Variants in INTS7 observed in about 807,000 individuals in gnomAD.
INTS7 encodes the protein integrator complex subunit 7, also known as chromosome 1 open reading frame 73.
Under a neutral mutation model 109.2 loss-of-function variants are expected in INTS7, and 46 were observed. That is an observed-to-expected ratio of 0.42 (90% CI 0.33 to 0.54). The LOEUF (loss-of-function observed/expected upper bound fraction) is 0.54. Among genes scored for constraint, INTS7 ranks in the 20% least tolerant of loss-of-function variants. The probability of loss-of-function intolerance (pLI) is 0.07; values close to 1 mark genes in which losing one functional copy is unlikely to be tolerated. For missense variants in INTS7, 929 were observed against 1,132.4 expected, an observed-to-expected ratio of 0.82 and a Z score of 2.58; for synonymous variants, 412 against 402.9, an observed-to-expected ratio of 1.02 and a Z score of -0.27.
intron 1 of INTS7, 125 bp downstream of exon 1, chr1:212,035,219 A>C (rs1245798029): frequency 1.4e-6 from 1 of 695,076 alleles, no homozygotes; most frequent in Admixed American, 2.3e-5. Context: ...GCAAAAGCAC[A>C]GGCGCTCCCC....
intron 16 of INTS7, among the ~76,000 whole-genome samples, chr1:211,955,987 T>C (rs1037229060): frequency 6.6e-6 from 1 of 152,272 alleles, no homozygotes; most frequent in Admixed American, 6.5e-5. Flanking sequence ...ATTCCATTTC[T>C]GGTGGTAGGC....
At chr1:211,992,085 T>C (rs945070045) in intron 7 of INTS7, among the ~76,000 whole-genome samples, 1 of 152,214 alleles carries the variant, frequency 6.6e-6, no homozygotes, top group East Asian at 1.9e-4. Context: ...CTATAATTTA[T>C]ATTTATTTAT....
chr1:212,003,319 A>C (rs1245638788), intron 7 of INTS7, among the ~76,000 whole-genome samples: 1 of 151,886 alleles, frequency 6.6e-6, no homozygotes, highest in Non-Finnish European at 1.5e-5. Context: ...AAAAAAAAAA[A>C]AAAAAACCCT....
chr1:211,952,451 A>T, intron 17 of INTS7, 118 bp downstream of exon 17: 1 of 1,002,888 alleles, frequency 1.0e-6, no homozygotes, highest in Non-Finnish European at 1.5e-6. Flanking sequence ...ACCCTGTTTT[A>T]TGGATAAGGA....
chr1:211,998,504 T>C (rs577748249), intron 7 of INTS7, among the ~76,000 whole-genome samples: 2 of 152,346 alleles, frequency 1.3e-5, no homozygotes, highest in African/African-American at 2.4e-5. Flanking sequence ...CAACTGGCTA[T>C]CCAAAGCACC....
At chr1:212,008,864 T>G (rs939528858) in intron 5 of INTS7, among the ~76,000 whole-genome samples, 7 of 152,100 alleles carry the variant, frequency 4.6e-5, no homozygotes, top group Non-Finnish European at 1.0e-4. Flanking sequence ...CCAAACTGAC[T>G]CTTTCTACCT....
intron 7 of INTS7, among the ~76,000 whole-genome samples, chr1:212,004,030 G>A (rs539434938): frequency 1.3e-5 from 2 of 152,270 alleles, no homozygotes; most frequent in East Asian, 3.9e-4. Flanking sequence ...AAATGACAAA[G>A]ACTGCCAGGC....
intron 1 of INTS7, among the ~76,000 whole-genome samples, chr1:212,022,675 T>A (rs1666759031): frequency 6.6e-6 from 1 of 151,848 alleles, no homozygotes; most frequent in Non-Finnish European, 1.5e-5. Context: ...ACTATAACTC[T>A]CATACCTTGT....
At chr1:211,999,476 C>T (rs1665564705) in intron 7 of INTS7, among the ~76,000 whole-genome samples, 1 of 152,098 alleles carries the variant, frequency 6.6e-6, no homozygotes, top group Non-Finnish European at 1.5e-5. Context: ...TACAGAGGGG[C>T]CTGCAGAAAC....
intron 15 of INTS7, among the ~76,000 whole-genome samples, chr1:211,967,260 G>C (rs1400902635): frequency 6.6e-6 from 1 of 151,864 alleles, no homozygotes; most frequent in Non-Finnish European, 1.5e-5. Flanking sequence ...AGACCAGCCT[G>C]GCCAACATGG....
chr1:211,978,577 A>G lies in INTS7; in HGVS notation c.1231-66T>C, dbSNP rs986847279. On this transcript the variant is annotated intron_variant, in intron 10 of 19. Coordinates refer to ENST00000366994, the MANE Select transcript of INTS7 (RefSeq NM_015434.4). ...ATACAGATGAAGCTTTAAGGAAAAGAGCTTTGTACAGGTTACTGGGGAAAC... is the reference window on the plus strand; with the variant it reads ...ATACAGATGAAGCTTTAAGGAAAAGGGCTTTGTACAGGTTACTGGGGAAAC... 3 of 1,574,566 alleles carry G rather than the reference A, an allele frequency of 1.9e-6. No individual in the cohort carries two copies. In the African/African-American group the frequency reaches 4.1e-5, roughly 21 times the overall value.
chr1:211,968,815 A>T, intron 13 of INTS7, 108 bp from the exon 14 acceptor site: 1 of 703,800 alleles, frequency 1.4e-6, no homozygotes, highest in East Asian at 2.7e-5. Context: ...AGTTCTCTAA[A>T]AACACTGACG....
chr1:211,967,751 G>C lies in INTS7; in HGVS notation c.2114+127C>G, dbSNP rs1013219247. 2.6e-5 allele frequency: 15 copies of C among 579,606 alleles called. No homozygotes were observed. In the African/African-American group the frequency reaches 3.0e-4, roughly 12 times the overall value. 35.9% of individuals were successfully genotyped at this position (579,606 alleles called of 1,614,324 possible). On this transcript the variant is annotated intron_variant, in intron 15 of 19. Transcript: ENST00000366994. ...TTATTCTGCTTATATATTTTAAAGG[G>C]GAAACTATATAATAAATTTATAGGG...
intron 4 of INTS7, among the ~76,000 whole-genome samples, chr1:212,014,516 A>G (rs973139439): frequency 1.3e-5 from 2 of 148,156 alleles, no homozygotes; most frequent in East Asian, 2.0e-4. Flanking sequence ...TGCAAATACT[A>G]TTTTTTAAAT....
intron 18 of INTS7, 146 bp from the exon 19 acceptor site, chr1:211,945,115 C>T (rs1261809966): frequency 1.2e-5 from 8 of 660,760 alleles, no homozygotes; most frequent in South Asian, 3.9e-5. Context: ...GCCAGGACAA[C>T]GAGACAGATG....
chr1:211,956,241 T>C (rs940180738), intron 16 of INTS7, among the ~76,000 whole-genome samples: 1 of 152,244 alleles, frequency 6.6e-6, no homozygotes, highest in Non-Finnish European at 1.5e-5. Flanking sequence ...CTCTTAATCC[T>C]ACCCTTAAAC....
chr1:212,017,049 G>C (rs770523820), intron 3 of INTS7, 26 bp from the exon 4 acceptor site: 1 of 1,533,794 alleles, frequency 6.5e-7, no homozygotes. Flanking sequence ...AACCCAAGAA[G>C]ATCGGGCATA....
At chr1:212,019,522 G>A (rs557887510) in intron 3 of INTS7, among the ~76,000 whole-genome samples, 41 of 152,064 alleles carry the variant, frequency 2.7e-4, no homozygotes, top group South Asian at 8.3e-4. Context: ...CTATAATTTA[G>A]GAAAGTGAAT....
At chr1:212,026,896 G>A (rs749079012) in intron 1 of INTS7, among the ~76,000 whole-genome samples, 33 of 152,142 alleles carry the variant, frequency 2.2e-4, no homozygotes, top group Non-Finnish European at 5.9e-5. Flanking sequence ...ATCTTCCCTT[G>A]AAAAACAGAA....
Sources: gnomAD v4.1 joint callset for allele counts (sites outside exome capture counted in the v4.1 genomes callset) on GRCh38, gnomAD v4.1.1 for gene constraint, MANE v1.5 for transcripts, NCBI Gene and HGNC (gene_info 2026-07-23, HGNC 2026-07-21) for gene names.